SGSH: variants seen among roughly 807,000 people sequenced by gnomAD.
SGSH encodes the protein heparan sulfate sulfatase.
SGSH carries 48 observed loss-of-function variants against 51.0 expected under a neutral mutation model. The observed-to-expected ratio is 0.94, with a 90% confidence interval of 0.75 to 1.20. The LOEUF (loss-of-function observed/expected upper bound fraction) is 1.20, where lower values mean the gene tolerates loss of function less well. SGSH is among the 50% of genes most tolerant of loss of function. SGSH has a pLI of 0.00. For synonymous variants in SGSH, 321 were observed against 313.4 expected, an observed-to-expected ratio of 1.02 and a Z score of -0.26; for missense variants, 662 against 717.8, an observed-to-expected ratio of 0.92 and a Z score of 0.89.
At chr17:80,204,024 C>T (rs1409420374), downstream of SGSH, 22 of 814,444 alleles carry the variant, frequency 2.7e-5, no homozygotes, top group East Asian at 3.8e-4. Context: ...CCTCTGCACC[C>T]CTTCAAACCA....
In SGSH at chr17:80,209,512, C is replaced by T. The variant is rs2041537904; in HGVS notation, c.*940G>A. ...GCAGGGCAGGAACGGCACATTCTCC[C>T]AGCAACGCCGACGTCATCCAAGAAT... On this transcript the variant is annotated 3_prime_UTR_variant, in exon 8 of 8. Transcript: ENST00000326317. 1 of 985,380 alleles carries T rather than the reference C, an allele frequency of 1.0e-6. No individual in the cohort carries two copies. Among genetic ancestry groups the T allele is most frequent in the Non-Finnish European group, 1.2e-6 (1 of 830,110 alleles). 61.0% of individuals were successfully genotyped at this position (985,380 alleles called of 1,614,324 possible). A position where few individuals can be genotyped will look rare whatever the true frequency, so the allele number is the denominator to read the frequency against.
chr17:80,218,096 C>T (rs1405224883), intron 1 of SGSH, among the ~76,000 whole-genome samples: 1 of 152,246 alleles, frequency 6.6e-6, no homozygotes, highest in Admixed American at 6.5e-5. Context: ...GGCGTGTTAG[C>T]CGGCTAGGCA....
At chr17:80,217,590 G>A (rs1256948846) in intron 1 of SGSH, among the ~76,000 whole-genome samples, 2 of 146,098 alleles carry the variant, frequency 1.4e-5, no homozygotes. Context: ...ATACCCAGTG[G>A]GTATGTTGGC....
downstream of SGSH, chr17:80,207,021 A>G (rs1236738740): frequency 6.2e-7 from 1 of 1,614,070 alleles, no homozygotes; most frequent in Non-Finnish European, 8.5e-7. Context: ...CACCCTGCAC[A>G]GGATGGACAT....
At chr17:80,215,518 A>G (rs1052700311) in intron 2 of SGSH, among the ~76,000 whole-genome samples, 3 of 152,240 alleles carry the variant, frequency 2.0e-5, no homozygotes, top group Non-Finnish European at 4.4e-5. Context: ...AGATGTGTAC[A>G]TTTTAAAAAC....
chr17:80,207,965 G>C (rs2041432299), downstream of SGSH, among the ~76,000 whole-genome samples: 1 of 152,158 alleles, frequency 6.6e-6, no homozygotes, highest in South Asian at 2.1e-4. Context: ...CTGTGTTCTA[G>C]ACAACCTGCC....
downstream of SGSH, chr17:80,204,655 A>C: frequency 2.6e-6 from 1 of 385,598 alleles, no homozygotes. Flanking sequence ...GGAGAGGAGT[A>C]CAGGACAGAG....
downstream of SGSH, chr17:80,207,013 C>T (rs201965466): frequency 1.9e-6 from 3 of 1,614,048 alleles, no homozygotes; most frequent in Non-Finnish European, 8.5e-7. Context: ...AGTGTCTGCA[C>T]CCTGCACAGG....
chr17:80,214,854 T>C (rs555768499), intron 3 of SGSH, 89 bp from the exon 4 acceptor site: 6 of 1,508,710 alleles, frequency 4.0e-6, no homozygotes, highest in Non-Finnish European at 4.5e-6. Flanking sequence ...CTAAGCGCAC[T>C]GTGGGTTCTC....
chr17:80,205,199 C>T, downstream of SGSH: 1 of 1,611,904 alleles, frequency 6.2e-7, no homozygotes, highest in Non-Finnish European at 8.5e-7. Flanking sequence ...TAAGAAGTGC[C>T]TGGCAGGTAT....
At position 80,210,185 on chromosome 17, in the gene SGSH, A is replaced by G. The variant is rs1441001802; in HGVS notation, c.*267T>C. The G allele has an allele frequency of 7.3e-7, 1 of 1,378,050 alleles. No homozygotes were observed. Among genetic ancestry groups the G allele is most frequent in the African/African-American group, 1.5e-5 (1 of 68,814 alleles). 85.4% of individuals were successfully genotyped at this position (1,378,050 alleles called of 1,614,324 possible). On this transcript the variant is annotated 3_prime_UTR_variant, in exon 8 of 8. Coordinates refer to ENST00000326317, the MANE Select transcript of SGSH (RefSeq NM_000199.5). ...ATGTCTAGAATTCCCGTGCTGGGACATGGTTCAGACACAAGGACAACTGTG... is the reference window on the plus strand; with the variant it reads ...ATGTCTAGAATTCCCGTGCTGGGACGTGGTTCAGACACAAGGACAACTGTG...
downstream of SGSH, chr17:80,208,170 A>G: frequency 6.5e-7 from 1 of 1,548,134 alleles, no homozygotes; most frequent in Non-Finnish European, 8.7e-7. Context: ...ACCTCAGAGG[A>G]GCAGCTCCTG....
downstream of SGSH, chr17:80,205,433 T>C (rs1044022373): frequency 3.4e-5 from 51 of 1,487,270 alleles, no homozygotes; most frequent in Non-Finnish European, 4.4e-5. Context: ...CTTCTCCCAG[T>C]GCTGGCAGGG....
In SGSH at chr17:80,210,629, G is replaced by T; in HGVS notation, c.1332C>A (p.Asp444Glu). The T allele has an allele frequency of 6.2e-7, 1 of 1,613,856 alleles. No homozygotes were observed. The highest frequency in any genetic ancestry group is 8.5e-7 in the Non-Finnish European group (1 of 1,180,008). ...ARWELYDRSR[D>E]PHETQNLATD... ...TGGCCAGGTTCTGGGTCTCGTGGGG[G>T]TCCCGGCTCCGGTCGTAGAGCTCCC... is the stretch of plus-strand genomic sequence containing the variant. The change falls in exon 8 of 8, where the codon GAC becomes GAA. Residue 444 changes from aspartate (D) to glutamate (E), a missense_variant. Coordinates refer to ENST00000326317, the MANE Select transcript of SGSH (RefSeq NM_000199.5).
At chr17:80,215,167 G>A (rs755102327) in intron 2 of SGSH, 29 bp from the exon 3 acceptor site, 19 of 1,557,128 alleles carry the variant, frequency 1.2e-5, no homozygotes, top group African/African-American at 1.1e-4. Flanking sequence ...GAGGTCCGGG[G>A]CCCCCGGACA....
rs781743238 is a variant in SGSH at position 80,214,723 on chromosome 17, G to A, written c.398C>T (p.Pro133Leu). The A allele has an allele frequency of 1.2e-5, 20 of 1,612,992 alleles. No homozygotes were observed. The Admixed American group carries it at 1.8e-4, about 15-fold the overall frequency. ...CTCCTCCGTGTACGCAAAGTCAAAC[G>A]GGTACACGGTCTCCGGCCCCACGTG... The part of the protein sequence containing the change: ...KKHVGPETVY[P>L]FDFAYTEENG... The change falls in exon 4 of 8, where the codon CCG becomes CTG. Residue 133 changes from proline (P) to leucine (L), a missense_variant. Coordinates refer to ENST00000326317, the MANE Select transcript of SGSH (RefSeq NM_000199.5).
downstream of SGSH, chr17:80,207,061 A>T (rs758086629): frequency 2.5e-6 from 4 of 1,613,890 alleles, no homozygotes; most frequent in Non-Finnish European, 2.5e-6. Context: ...GTCTCTGTCA[A>T]CGAGAAGATG....
At chr17:80,204,833 T>C, downstream of SGSH, 7 of 546,968 alleles carry the variant, frequency 1.3e-5, no homozygotes, top group South Asian at 1.5e-4. Context: ...CACAGAGCTG[T>C]GTAACCCCCG....
downstream of SGSH, chr17:80,205,547 G>A (rs1457399191): frequency 1.3e-6 from 2 of 1,585,858 alleles, no homozygotes; most frequent in Non-Finnish European, 1.7e-6. Flanking sequence ...TGAGCCAGGA[G>A]GAGTATGAGG....
Sources: allele counts gnomAD v4.1 joint callset (sites outside exome capture counted in the v4.1 genomes callset), GRCh38; gene constraint gnomAD v4.1.1; transcripts MANE v1.5; gene names NCBI Gene and HGNC (gene_info 2026-07-23, HGNC 2026-07-21).